The following ZNF385B variants were observed in gnomAD, a reference collection of about 807,000 sequenced individuals.
ZNF385B encodes zinc finger protein 533.
Under a neutral mutation model 39.2 loss-of-function variants are expected in ZNF385B, and 23 were observed. The ratio of observed to expected loss-of-function variants is 0.59; its 90% CI spans 0.42 to 0.83. The LOEUF (loss-of-function observed/expected upper bound fraction) is 0.83. Among genes scored for constraint, ZNF385B ranks in the 40% least tolerant of loss-of-function variants. The pLI, the probability that ZNF385B is intolerant of heterozygous loss-of-function variation, is 0.00. For synonymous variants in ZNF385B, 205 were observed against 222.6 expected, an observed-to-expected ratio of 0.92 and a Z score of 0.70; for missense variants, 552 against 598.9, an observed-to-expected ratio of 0.92 and a Z score of 0.82.
chr2:179,613,146 T>C (rs1246346380), intron 3 of ZNF385B, among the ~76,000 whole-genome samples: 4 of 152,162 alleles, frequency 2.6e-5, no homozygotes, highest in Non-Finnish European at 5.9e-5. Context: ...GGCTCCCCTA[T>C]GGCCCAGGGA....
chr2:179,663,685 G>A (rs1222236592), intron 3 of ZNF385B, among the ~76,000 whole-genome samples: 2 of 133,270 alleles, frequency 1.5e-5, no homozygotes, highest in Non-Finnish European at 3.1e-5. Flanking sequence ...ATTCCATCCA[G>A]CCTGGGCGAC....
At chr2:179,641,249 C>A (rs184221033) in intron 3 of ZNF385B, among the ~76,000 whole-genome samples, 228 of 152,146 alleles carry the variant, frequency 1.5e-3, no homozygotes, top group African/African-American at 5.3e-3. Flanking sequence ...TTTTTTTAGC[C>A]TGAAGGAACG....
chr2:179,562,563 G>C (rs112648571), intron 3 of ZNF385B: 18,742 of 985,364 alleles, frequency 0.019, 206 homozygotes, highest in Middle Eastern at 0.061. Context: ...CATACGTCCT[G>C]TAATTGCCGC....
intron 3 of ZNF385B, among the ~76,000 whole-genome samples, chr2:179,720,937 T>TTTG (rs1553517379): frequency 9.6e-5 from 14 of 145,812 alleles, no homozygotes; most frequent in African/African-American, 3.6e-4. Context: ...TTTTTTTTTT[T>TTTG]TTTTTTTTTT....
intron 4 of ZNF385B, 91 bp downstream of exon 4, chr2:179,544,736 C>A (rs1223260956): frequency 6.6e-7 from 1 of 1,517,194 alleles, no homozygotes; most frequent in African/African-American, 1.4e-5. Flanking sequence ...AAATTACACA[C>A]TTTGGAAACA....
At chr2:179,814,629 G>A (rs1416884390) in intron 1 of ZNF385B, 2 of 489,294 alleles carry the variant, frequency 4.1e-6, no homozygotes, top group Non-Finnish European at 7.6e-6. Flanking sequence ...CAATGGTGGC[G>A]ACCTGGTCTT....
At chr2:179,787,376 G>A (rs1018203971) in intron 1 of ZNF385B, among the ~76,000 whole-genome samples, 3 of 151,796 alleles carry the variant, frequency 2.0e-5, no homozygotes, top group African/African-American at 7.3e-5. Flanking sequence ...TTTAAACATG[G>A]TACGTAGTAG....
intron 3 of ZNF385B, among the ~76,000 whole-genome samples, chr2:179,607,912 T>C (rs1688953566): frequency 1.5e-5 from 1 of 67,988 alleles, no homozygotes; most frequent in Non-Finnish European, 3.3e-5. Flanking sequence ...GAAACTCTTT[T>C]TTTTTTTTTT....
intron 5 of ZNF385B, among the ~76,000 whole-genome samples, chr2:179,511,681 T>G (rs2057700589): frequency 6.6e-6 from 1 of 152,156 alleles, no homozygotes; most frequent in South Asian, 2.1e-4. Flanking sequence ...ATACAAGTGG[T>G]TGATTACCCT....
intron 3 of ZNF385B, among the ~76,000 whole-genome samples, chr2:179,714,616 T>C (rs1700201715): frequency 2.0e-5 from 3 of 152,266 alleles, no homozygotes; most frequent in South Asian, 4.1e-4. Flanking sequence ...ACAACATCTA[T>C]GATCCTTCCC....
chr2:179,557,863 C>T (rs1001110926), intron 3 of ZNF385B, among the ~76,000 whole-genome samples: 6 of 151,976 alleles, frequency 3.9e-5, no homozygotes, highest in Non-Finnish European at 8.8e-5. Context: ...CAACCCTTGT[C>T]CCCCTCACTC....
intron 3 of ZNF385B, among the ~76,000 whole-genome samples, chr2:179,574,073 C>T (rs377231499): frequency 1.3e-5 from 2 of 151,864 alleles, no homozygotes; most frequent in African/African-American, 4.8e-5. Flanking sequence ...GTTTAAGATC[C>T]GTAACAAAAT....
chr2:179,842,419 TACC>T (rs1391330534), intron 1 of ZNF385B, among the ~76,000 whole-genome samples: 7 of 152,220 alleles, frequency 4.6e-5, no homozygotes, highest in African/African-American at 1.7e-4. Flanking sequence ...TGTATCTTCA[TACC>T]ACCATTGTGC....
At chr2:179,819,380 C>T (rs1376417124) in intron 1 of ZNF385B, among the ~76,000 whole-genome samples, 1 of 152,116 alleles carries the variant, frequency 6.6e-6, no homozygotes, top group African/African-American at 2.4e-5. Context: ...TCCCTCATGA[C>T]ATCACCTCCC....
At chr2:179,582,049 A>T (rs1232764651) in intron 3 of ZNF385B, among the ~76,000 whole-genome samples, 2 of 152,184 alleles carry the variant, frequency 1.3e-5, no homozygotes, top group African/African-American at 4.8e-5. Flanking sequence ...GTAAAGTCTC[A>T]CTACTCCAAG....
chr2:179,636,919 A>G (rs754213363), intron 3 of ZNF385B, among the ~76,000 whole-genome samples: 1 of 152,186 alleles, frequency 6.6e-6, no homozygotes, highest in African/African-American at 2.4e-5. Flanking sequence ...AATAGTTAAT[A>G]TGAATCTACA....
At chr2:179,552,507 T>G (rs2060641159) in intron 3 of ZNF385B, among the ~76,000 whole-genome samples, 1 of 149,368 alleles carries the variant, frequency 6.7e-6, no homozygotes, top group South Asian at 2.1e-4. Flanking sequence ...CTCCAAAAGA[T>G]TTCTTTAAAG....
intron 3 of ZNF385B, among the ~76,000 whole-genome samples, chr2:179,640,786 C>A (rs868565662): frequency 1.5e-4 from 23 of 152,108 alleles, no homozygotes; most frequent in Middle Eastern, 3.4e-3. Context: ...AAAAACAGAA[C>A]AACAACAAAA....
chr2:179,672,915 A>C (rs1696229100), intron 3 of ZNF385B, among the ~76,000 whole-genome samples: 1 of 152,198 alleles, frequency 6.6e-6, no homozygotes, highest in South Asian at 2.1e-4. Flanking sequence ...CTAGAGACTT[A>C]GGTCTGACAG....
Sources: gnomAD v4.1 joint callset for allele counts (sites outside exome capture counted in the v4.1 genomes callset) on GRCh38, gnomAD v4.1.1 for gene constraint, MANE v1.5 for transcripts, NCBI Gene and HGNC (gene_info 2026-07-23, HGNC 2026-07-21) for gene names.